Variants in SIGLECL1 observed in about 807,000 individuals in gnomAD.
The protein encoded by SIGLECL1 is SIGLEC family-like protein 1.
A neutral mutation model predicts 19.1 loss-of-function variants in SIGLECL1; 16 were observed. That is an observed-to-expected ratio of 0.84 (90% CI 0.57 to 1.27). The LOEUF is 1.27. Ranked by LOEUF, SIGLECL1 falls within the 50% of genes most tolerant of loss-of-function variation. The probability of loss-of-function intolerance (pLI) is 0.00; values close to 1 mark genes in which losing one functional copy is unlikely to be tolerated. For missense variants in SIGLECL1, 210 were observed against 239.4 expected (o/e 0.88, Z 0.81); for synonymous variants, 89 against 90.4 (o/e 0.98, Z 0.09).
chr19:51,267,253 T>G, intron 4 of SIGLECL1, 120 bp from the exon 5 acceptor site: 1 of 1,233,908 alleles, frequency 8.1e-7, no homozygotes, highest in South Asian at 1.4e-5. Context: ...TTGCCCTAGG[T>G]CATACAGCAA....
chr19:51,250,525 A>G (rs1982420990), upstream of SIGLECL1, among the ~76,000 whole-genome samples: 2 of 152,140 alleles, frequency 1.3e-5, no homozygotes, highest in African/African-American at 4.8e-5. Context: ...GCCTCATTTT[A>G]CCCAGCTCCT....
chr19:51,255,187 G>C lies in SIGLECL1; in HGVS notation c.-191+3642G>C, dbSNP rs146585996. Among the ~76,000 whole-genome samples, 407 of 151,718 alleles carry C rather than the reference G, an allele frequency of 2.7e-3. 1 individual carries two copies. The highest frequency in any genetic ancestry group is 9.3e-3 in the African/African-American group (385 of 41,294). On this transcript the variant is annotated intron_variant, in intron 1 of 5. Transcript: ENST00000601727. ...AGGCACAAGAATCGCTTGCACCCAGGAGATGGAGGTTGCAGTGAGCCAAGA... is the reference window on the plus strand; with the variant it reads ...AGGCACAAGAATCGCTTGCACCCAGCAGATGGAGGTTGCAGTGAGCCAAGA...
chr19:51,248,222 T>G (rs538700927), upstream of SIGLECL1, among the ~76,000 whole-genome samples: 1 of 152,256 alleles, frequency 6.6e-6, no homozygotes, highest in South Asian at 2.1e-4. Flanking sequence ...ACTGATCAAC[T>G]GGAAAGTCCA....
At position 51,263,875 on chromosome 19, in the gene SIGLECL1, T is replaced by C. The variant is rs1983430130; in HGVS notation, c.-190-8T>C. The C allele has an allele frequency of 1.8e-6, 1 of 557,386 alleles. No individual in the cohort carries two copies. Among genetic ancestry groups the C allele is most frequent in the African/African-American group, 1.9e-5 (1 of 51,858 alleles). The allele number at this position is 557,386 out of a possible 1,614,324, so 34.5% of individuals were successfully genotyped here. On this transcript the variant is annotated splice_region_variant and splice_polypyrimidine_tract_variant and intron_variant, in intron 1 of 5. Coordinates refer to ENST00000601727, the MANE Select transcript of SIGLECL1 (RefSeq NM_001385465.1). The stretch of plus-strand genomic sequence containing the variant: ...GCCTCTCATCCCATATAATTCCTGC[T>C]TCTCCAGGTGAACAGGCCTTCACGA...
chr19:51,249,451 A>C (rs752623432), upstream of SIGLECL1, among the ~76,000 whole-genome samples: 35 of 149,554 alleles, frequency 2.3e-4, 1 homozygote, highest in Non-Finnish European at 5.0e-4. Context: ...ATCATCCTTC[A>C]GTCTGTCACA....
upstream of SIGLECL1, chr19:51,246,533 G>A (rs1982263998): frequency 6.6e-6 from 1 of 152,104 alleles, no homozygotes; most frequent in African/African-American, 2.4e-5. Context: ...CCTAACCGCT[G>A]AACAGGCAGG....
At chr19:51,258,258 CATTCCCTAACTTTTCAGTTGTATCA>C (rs1982949423) in intron 1 of SIGLECL1, among the ~76,000 whole-genome samples, 1 of 152,128 alleles carries the variant, frequency 6.6e-6, no homozygotes, top group Non-Finnish European at 1.5e-5. Flanking sequence ...TCTTGTGGAC[CATTCCCTAACTTTTCAGTTGTATCA>C]GAAATGGGAT....
chr19:51,261,531 G>A lies in SIGLECL1; in HGVS notation c.-190-2352G>A, dbSNP rs567468096. ...TCTGGATCTCCTGACCTCGTGATCC[G>A]CCCGTCTCGGCCTCCCAAAGTGCTG... On this transcript the variant is annotated intron_variant, in intron 1 of 5. Coordinates refer to ENST00000601727, the MANE Select transcript of SIGLECL1 (RefSeq NM_001385465.1). Among the ~76,000 whole-genome samples the A allele has an allele frequency of 3.3e-5, 5 of 152,144 alleles. No individual in the cohort carries two copies. The South Asian group carries it at 8.3e-4, about 25-fold the overall frequency.
At chr19:51,253,530 A>C (rs1429214818) in intron 1 of SIGLECL1, among the ~76,000 whole-genome samples, 1 of 152,258 alleles carries the variant, frequency 6.6e-6, no homozygotes, top group Non-Finnish European at 1.5e-5. Flanking sequence ...TAGTCTCTGA[A>C]GCAGGCTGAC....
Position 51,256,211 on chromosome 19 carries a change from T to C in SIGLECL1, c.-191+4666T>C, listed in dbSNP as rs553031264. Among the ~76,000 whole-genome samples the C allele has an allele frequency of 1.1e-4, 17 of 152,342 alleles. No individual in the cohort carries two copies. The South Asian group carries it at 2.5e-3, about 22-fold the overall frequency. ...TCTGTGTGGAGTTTGCATGTTCTTA[T>C]ATATGGTAAAATTGGTTTCATTTTA... On this transcript the variant is annotated intron_variant, in intron 1 of 5. Transcript: ENST00000601727.
intron 4 of SIGLECL1, among the ~76,000 whole-genome samples, chr19:51,266,809 G>A (rs1983710458): frequency 6.6e-6 from 1 of 152,178 alleles, no homozygotes; most frequent in Non-Finnish European, 1.5e-5. Flanking sequence ...AGGGGAGCCT[G>A]TCCAGACAGC....
chr19:51,266,954 A>G (rs1287158695), intron 4 of SIGLECL1, among the ~76,000 whole-genome samples: 1 of 152,100 alleles, frequency 6.6e-6, no homozygotes, highest in Non-Finnish European at 1.5e-5. Flanking sequence ...GGTGCAGGGG[A>G]CTAAGCAGGA....
intron 1 of SIGLECL1, among the ~76,000 whole-genome samples, chr19:51,262,808 C>T (rs574961318): frequency 2.6e-5 from 4 of 152,322 alleles, no homozygotes; most frequent in Admixed American, 2.6e-4. Context: ...ATTTTTCTAA[C>T]CATATAGCCT....
At chr19:51,261,137 A>C (rs1983183795) in intron 1 of SIGLECL1, among the ~76,000 whole-genome samples, 1 of 152,096 alleles carries the variant, frequency 6.6e-6, no homozygotes, top group African/African-American at 2.4e-5. Flanking sequence ...TATTCCTGTT[A>C]ATGTCAGCTT....
In SIGLECL1 at chr19:51,267,864, G is replaced by C. The variant is rs534092350; in HGVS notation, c.567+335G>C. On this transcript the variant is annotated intron_variant, in intron 5 of 5. Transcript: ENST00000601727. Reference sequence around the variant, plus strand: ...CAAGGATTTGGCCTCTGAGTGTATGGCCGGCAGCAGTCAGCTTGGTGTAGA... The same window carrying C: ...CAAGGATTTGGCCTCTGAGTGTATGCCCGGCAGCAGTCAGCTTGGTGTAGA... 2.6e-5 allele frequency among the ~76,000 whole-genome samples: 4 copies of C among 152,272 alleles called. No individual in the cohort carries two copies. In the South Asian group the frequency reaches 6.2e-4, roughly 24 times the overall value.
At chr19:51,247,080 CA>C (rs1286472421), upstream of SIGLECL1, among the ~76,000 whole-genome samples, 3 of 152,182 alleles carry the variant, frequency 2.0e-5, no homozygotes, top group Admixed American at 6.5e-5. Context: ...TGCCCAGTTA[CA>C]GAAATAAACT....
intron 2 of SIGLECL1, among the ~76,000 whole-genome samples, 164 bp from the exon 3 acceptor site, chr19:51,265,204 G>A (rs1983548058): frequency 6.6e-6 from 1 of 152,186 alleles, no homozygotes; most frequent in African/African-American, 2.4e-5. Flanking sequence ...GATGAGGACA[G>A]AAGATAGAGG....
Position 51,265,565 on chromosome 19 carries a change from G to T in SIGLECL1, c.220G>T (p.Glu74Ter). The T allele has an allele frequency of 3.1e-6, 5 of 1,614,190 alleles. No individual in the cohort carries two copies. The highest frequency in any genetic ancestry group is 4.2e-6 in the Non-Finnish European group (5 of 1,180,034). Residue 74 changes from glutamate to a stop codon, truncating the protein, a stop_gained, in exon 3 of 6, where the codon GAA becomes TAA. Coordinates refer to ENST00000601727, the MANE Select transcript of SIGLECL1 (RefSeq NM_001385465.1). LOFTEE classifies it high-confidence loss of function. ...PWANSTISLTEEPEMGMRLLC... is the reference protein window; with the variant it reads ...PWANSTISLT ...GGCTAACAGCACCATCAGCCTAACT[G>T]AAGAGCCAGAAATGGGCATGAGACT...
intron 1 of SIGLECL1, among the ~76,000 whole-genome samples, chr19:51,260,560 G>A (rs184665349): frequency 2.9e-4 from 44 of 152,114 alleles, no homozygotes; most frequent in African/African-American, 9.4e-4. Context: ...CCTTTGTGGC[G>A]TACATATGCA....
Sources: gnomAD v4.1 joint callset for allele counts (sites outside exome capture counted in the v4.1 genomes callset) on GRCh38, gnomAD v4.1.1 for gene constraint, MANE v1.5 for transcripts, NCBI Gene and HGNC (gene_info 2026-07-23, HGNC 2026-07-21) for gene names.